The following KCNIP1 variants were observed in gnomAD, a reference collection of about 807,000 sequenced individuals.
KCNIP1 encodes the protein A-type potassium channel modulatory protein KCNIP1.
In KCNIP1, 18 loss-of-function variants were observed where a neutral mutation model predicts 33.0. That is an observed-to-expected ratio of 0.55 (90% confidence interval 0.38 to 0.81). KCNIP1 has a LOEUF of 0.81. KCNIP1 is among the 30% of genes least tolerant of loss of function. The probability of loss-of-function intolerance (pLI) is 0.00; values close to 1 mark genes in which losing one functional copy is unlikely to be tolerated. For missense variants in KCNIP1, 238 were observed against 271.6 expected, an observed-to-expected ratio of 0.88 and a Z score of 0.87; for synonymous variants, 93 against 98.3, an observed-to-expected ratio of 0.95 and a Z score of 0.32.
At chr5:170,613,270 A>G (rs1413388842) in intron 1 of KCNIP1, among the ~76,000 whole-genome samples, 2 of 152,134 alleles carry the variant, frequency 1.3e-5, no homozygotes, top group Non-Finnish European at 1.5e-5. Flanking sequence ...CGCTCCATCC[A>G]TTGAGCCTGT....
chr5:170,463,305 G>C (rs1734006949), intron 1 of KCNIP1, among the ~76,000 whole-genome samples: 1 of 151,938 alleles, frequency 6.6e-6, no homozygotes, highest in Non-Finnish European at 1.5e-5. Flanking sequence ...AGAAGAAGAG[G>C]GGACATTTTC....
intron 1 of KCNIP1, among the ~76,000 whole-genome samples, chr5:170,456,714 T>TTTCTTTCTTTCTTTCTTTC (rs1756389440): frequency 6.6e-6 from 1 of 150,418 alleles, no homozygotes; most frequent in East Asian, 2.0e-4. Flanking sequence ...TCTTTCTTTC[T>TTTCTTTCTTTCTTTCTTTC]TTCTTTCTTT....
intron 1 of KCNIP1, among the ~76,000 whole-genome samples, chr5:170,365,509 G>C (rs1763636499): frequency 6.6e-6 from 1 of 152,200 alleles, no homozygotes; most frequent in African/African-American, 2.4e-5. Context: ...TTCTTGCCAT[G>C]GAGAGAGGGG....
chr5:170,659,485 A>G (rs1761393470), intron 1 of KCNIP1, among the ~76,000 whole-genome samples: 1 of 152,168 alleles, frequency 6.6e-6, no homozygotes, highest in East Asian at 1.9e-4. Flanking sequence ...GAAAGAAGAA[A>G]AACCACATTG....
chr5:170,484,665 G>T, intron 1 of KCNIP1, among the ~76,000 whole-genome samples: 1 of 148,696 alleles, frequency 6.7e-6, no homozygotes, highest in African/African-American at 2.5e-5. Context: ...CTCTCTACCC[G>T]TTTCCCCCTC....
At chr5:170,519,152 A>G (rs1335772760) in intron 1 of KCNIP1, among the ~76,000 whole-genome samples, 1 of 152,188 alleles carries the variant, frequency 6.6e-6, no homozygotes, top group Non-Finnish European at 1.5e-5. Context: ...GGCAGCAGCT[A>G]TTAATATTGG....
intron 1 of KCNIP1, among the ~76,000 whole-genome samples, chr5:170,534,667 C>T (rs956385826): frequency 2.0e-5 from 3 of 151,728 alleles, no homozygotes; most frequent in South Asian, 4.2e-4. Context: ...CACAGGCAGG[C>T]ACCACCATGC....
intron 1 of KCNIP1, among the ~76,000 whole-genome samples, chr5:170,717,432 A>G (rs376735206): frequency 2.0e-5 from 3 of 152,210 alleles, no homozygotes; most frequent in East Asian, 1.9e-4. Context: ...CTAATTTATA[A>G]CAAATCATCT....
At chr5:170,707,897 G>T (rs997444612) in intron 1 of KCNIP1, among the ~76,000 whole-genome samples, 1 of 152,066 alleles carries the variant, frequency 6.6e-6, no homozygotes, top group Non-Finnish European at 1.5e-5. Context: ...GGGGTTTCAA[G>T]ATTAAGAGAA....
intron 1 of KCNIP1, among the ~76,000 whole-genome samples, chr5:170,700,696 G>A (rs1458611680): frequency 6.6e-6 from 1 of 152,220 alleles, no homozygotes; most frequent in African/African-American, 2.4e-5. Flanking sequence ...GCCTGAGCAC[G>A]GAGCCAGCTG....
At position 170,504,263 on chromosome 5, in the gene KCNIP1, C is replaced by T; in HGVS notation, c.-310C>T. ...GGCCGCTCTGGCCCCGTGTCCAGTG[C>T]CAGGCAGGCTTCAGGGCACCGTCCT... On this transcript the variant is annotated 5_prime_UTR_variant, in exon 1 of 8. Transcript: ENST00000328939. This position sits in a 1 kb window ranked among gnomAD's most constrained non-coding sequence, Gnocchi z 6.0. 8.5e-7 allele frequency: 1 copy of T among 1,172,006 alleles called. No individual in the cohort carries two copies. Among genetic ancestry groups the T allele is most frequent in the Non-Finnish European group, 1.1e-6 (1 of 950,204 alleles). The allele number at this position is 1,172,006 out of a possible 1,614,324, so 72.6% of individuals were successfully genotyped here.
At chr5:170,541,325 C>T (rs550813472) in intron 1 of KCNIP1, among the ~76,000 whole-genome samples, 2 of 152,354 alleles carry the variant, frequency 1.3e-5, no homozygotes, top group South Asian at 4.1e-4. Context: ...TCATTTCTCA[C>T]CGTCACCCCC....
At chr5:170,410,736 T>C (rs1181230897) in intron 1 of KCNIP1, among the ~76,000 whole-genome samples, 2 of 152,090 alleles carry the variant, frequency 1.3e-5, no homozygotes, top group Non-Finnish European at 2.9e-5. Context: ...AATGGGAAAA[T>C]ATAAATTATT....
chr5:170,528,714 A>C (rs997319490), intron 1 of KCNIP1, among the ~76,000 whole-genome samples: 1 of 152,200 alleles, frequency 6.6e-6, no homozygotes, highest in African/African-American at 2.4e-5. Context: ...CTGGGACCTC[A>C]AAGTGCCACA....
chr5:170,622,485 G>C (rs535961727), intron 1 of KCNIP1, among the ~76,000 whole-genome samples: 201 of 152,144 alleles, frequency 1.3e-3, no homozygotes, highest in Non-Finnish European at 2.1e-3. Flanking sequence ...AGCTGGGTGT[G>C]GTGGTGAGCA....
At chr5:170,669,320 A>G (rs1251976910) in intron 1 of KCNIP1, among the ~76,000 whole-genome samples, 1 of 152,230 alleles carries the variant, frequency 6.6e-6, no homozygotes, top group Non-Finnish European at 1.5e-5. Flanking sequence ...TGAAAAATAA[A>G]TATAATAATT....
chr5:170,503,393 CA>C (rs10628243), upstream of KCNIP1, among the ~76,000 whole-genome samples: 73 of 112,498 alleles, frequency 6.5e-4, no homozygotes, highest in Middle Eastern at 4.8e-3. Context: ...GACTCCGTCT[CA>C]AAAAAAAAAA....
intron 1 of KCNIP1, among the ~76,000 whole-genome samples, chr5:170,518,751 C>A (rs1317204587): frequency 6.6e-6 from 1 of 152,212 alleles, no homozygotes; most frequent in Non-Finnish European, 1.5e-5. Context: ...TTGTACCCAC[C>A]ACTTTGCCCT....
intron 1 of KCNIP1, among the ~76,000 whole-genome samples, chr5:170,585,980 C>T (rs113066158): frequency 0.084 from 12,825 of 152,238 alleles, 617 homozygotes; most frequent in South Asian, 0.11. Context: ...AGTGGTTGAT[C>T]GCACAGCCTT....
Sources: gnomAD v4.1 joint callset for allele counts (sites outside exome capture counted in the v4.1 genomes callset) on GRCh38, gnomAD v4.1.1 for gene constraint, Gnocchi (gnomAD v3.1) non-coding constraint, MANE v1.5 for transcripts, NCBI Gene and HGNC (gene_info 2026-07-23, HGNC 2026-07-21) for gene names.